Variants in ATL3 observed in about 807,000 individuals in gnomAD.
ATL3 encodes the protein atlastin GTPase 3, also known as atlastin-3.
ATL3 carries 49 observed loss-of-function variants against 69.5 expected under a neutral mutation model. That is an observed-to-expected ratio of 0.71 (90% CI 0.56 to 0.89). The LOEUF (loss-of-function observed/expected upper bound fraction) is 0.89, where lower values mean the gene tolerates loss of function less well. ATL3 is among the 40% of genes least tolerant of loss of function. The pLI is 0.00. For synonymous variants in ATL3, 214 were observed against 224.1 expected (o/e 0.95, Z 0.40); for missense variants, 606 against 645.7 (o/e 0.94, Z 0.67).
chr11:63,632,724 TA>T, intron 11 of ATL3: 1 of 1,247,972 alleles, frequency 8.0e-7, no homozygotes, highest in Non-Finnish European at 1.2e-6. Flanking sequence ...TGATGATTAG[TA>T]AGCATTTATT....
chr11:63,643,605 T>G, intron 7 of ATL3, 110 bp from the exon 8 acceptor site: 12 of 989,312 alleles, frequency 1.2e-5, no homozygotes, highest in Non-Finnish European at 1.7e-5. Flanking sequence ...TGATGGATCA[T>G]AGTGGCCAAA....
upstream of ATL3, chr11:63,671,833 G>C (rs578238756): frequency 2.5e-5 from 23 of 906,012 alleles, no homozygotes; most frequent in Non-Finnish European, 3.1e-5. Context: ...GCTGCGGCCG[G>C]CGCCTAACGT....
intron 3 of ATL3, among the ~76,000 whole-genome samples, chr11:63,653,084 C>A (rs1028701103): frequency 1.3e-5 from 2 of 151,828 alleles, no homozygotes; most frequent in Non-Finnish European, 2.9e-5. Context: ...CCCAGCACTT[C>A]GGGAGGGAGG....
At chr11:63,671,553 C>A, upstream of ATL3, 10 of 1,428,792 alleles carry the variant, frequency 7.0e-6, no homozygotes, top group South Asian at 2.9e-5. Context: ...CAGGACGAGG[C>A]TAGGCGAGGC....
chr11:63,646,644 T>G, intron 5 of ATL3, 81 bp from the exon 6 acceptor site: 3 of 861,406 alleles, frequency 3.5e-6, no homozygotes, highest in Non-Finnish European at 5.5e-6. Context: ...GTATTCATTA[T>G]ATTTATACTG....
chr11:63,637,318 G>C (rs913429600), intron 8 of ATL3, among the ~76,000 whole-genome samples: 3 of 151,290 alleles, frequency 2.0e-5, no homozygotes, highest in African/African-American at 7.3e-5. Flanking sequence ...TCTTCAACAA[G>C]TCAATTTTCA....
At chr11:63,666,681 A>T (rs1216616512) in intron 1 of ATL3, among the ~76,000 whole-genome samples, 1 of 149,662 alleles carries the variant, frequency 6.7e-6, no homozygotes, top group African/African-American at 2.4e-5. Flanking sequence ...AAGTGCTGGG[A>T]TTACAGGCAT....
At chr11:63,637,684 A>G (rs1939565494) in intron 8 of ATL3, 1 of 152,218 alleles carries the variant, frequency 6.6e-6, no homozygotes, top group Non-Finnish European at 1.5e-5. Flanking sequence ...GCTGATTTAC[A>G]TAATCTTCTA....
Position 63,652,563 on chromosome 11 carries a change from G to A in ATL3, c.418C>T (p.Leu140=), listed in dbSNP as rs34261014. The A allele has an allele frequency of 1.9e-3, 3,005 of 1,607,496 alleles. 4 individuals are homozygous for A. The highest frequency in any genetic ancestry group is 2.1e-3 in the Non-Finnish European group (2,486 of 1,176,214). Residue 140 remains leucine (L), a synonymous_variant, in exon 4 of 13, where the codon CTG becomes TTG. Transcript: ENST00000398868. The part of the protein sequence containing the change: ...KPGGKKVAVV[L]MDTQGAFDSQ... ...TCAAATGCCCCCTGGGTATCCATCAGAACAACTGCAACCTAAAAAAAAGGA... is the reference window on the plus strand; with the variant it reads ...TCAAATGCCCCCTGGGTATCCATCAAAACAACTGCAACCTAAAAAAAAGGA...
intron 3 of ATL3, 128 bp from the exon 4 acceptor site, chr11:63,652,703 G>C (rs1940118168): frequency 3.6e-6 from 2 of 558,916 alleles, no homozygotes. Context: ...TTAAGCACCT[G>C]CTTGTAGGTT....
chr11:63,664,579 A>G (rs1257945589), intron 1 of ATL3, among the ~76,000 whole-genome samples: 3 of 151,914 alleles, frequency 2.0e-5, no homozygotes, highest in Non-Finnish European at 4.4e-5. Context: ...TGTAATGAGC[A>G]ATATCAATGT....
chr11:63,661,833 G>A (rs1473833269), intron 1 of ATL3, among the ~76,000 whole-genome samples: 1 of 151,616 alleles, frequency 6.6e-6, no homozygotes, highest in East Asian at 1.9e-4. Flanking sequence ...AGGTTGTGGT[G>A]AGCTGAGATT....
upstream of ATL3, chr11:63,671,415 G>A (rs777991322): frequency 5.9e-6 from 9 of 1,519,464 alleles, no homozygotes; most frequent in East Asian, 2.7e-5. Flanking sequence ...CCGGGCCCTG[G>A]AAGCGGGAAA....
At chr11:63,636,448 TGA>T in intron 8 of ATL3, 114 bp from the exon 9 acceptor site, 8 of 1,435,542 alleles carry the variant, frequency 5.6e-6, no homozygotes, top group Non-Finnish European at 7.6e-6. Flanking sequence ...TTGTTAAAAG[TGA>T]GAGAGAAGCC....
Position 63,646,606 on chromosome 11 carries a change from A to G in ATL3, c.562-43T>C, listed in dbSNP as rs781322683. On this transcript the variant is annotated intron_variant, in intron 5 of 12. Transcript: ENST00000398868. ...TATGGTTTGTAAAGCAAAATTACTTAAAATAGTTCTATGGCCTTTTTAGCA... is the reference window on the plus strand; with the variant it reads ...TATGGTTTGTAAAGCAAAATTACTTGAAATAGTTCTATGGCCTTTTTAGCA... 6 of 1,368,420 alleles carry G rather than the reference A, an allele frequency of 4.4e-6. No homozygotes were observed. The East Asian group carries it at 1.2e-4, about 26-fold the overall frequency. The allele number at this position is 1,368,420 out of a possible 1,614,324, so 84.8% of individuals were successfully genotyped here.
chr11:63,651,014 C>T (rs187929888), intron 5 of ATL3, among the ~76,000 whole-genome samples: 73 of 152,288 alleles, frequency 4.8e-4, no homozygotes, highest in South Asian at 2.1e-4. Context: ...ATAATAATGA[C>T]ACCCTTACTC....
At chr11:63,630,816 A>T in intron 12 of ATL3, among the ~76,000 whole-genome samples, 1 of 151,696 alleles carries the variant, frequency 6.6e-6, no homozygotes, top group Non-Finnish European at 1.5e-5. Context: ...AAAAAAAAAA[A>T]AGCGGGGCGG....
In ATL3 at chr11:63,631,071, A is replaced by G; in HGVS notation, c.1508T>C (p.Ile503Thr). The change falls in exon 12 of 13, where the codon ATT (isoleucine) becomes ACT (threonine). Residue 503 changes from isoleucine to threonine, a missense_variant. Physicochemically the swap from Ile to Thr is moderately conservative, Grantham distance 89 (BLOSUM62 -1). Transcript: ENST00000398868. ...CAACACATATGCGGCACCAAAATCA[A>G]TAGCTCCGCCCAGCTCACGATATTG... Reference protein sequence around the residue: ...SGQYRELGGAIDFGAAYVLEQ... With the variant: ...SGQYRELGGATDFGAAYVLEQ... 1.9e-6 allele frequency: 3 copies of G among 1,613,352 alleles called. No individual in the cohort carries two copies. The highest frequency in any genetic ancestry group is 2.5e-6 in the Non-Finnish European group (3 of 1,179,646).
chr11:63,646,501 T>G lies in ATL3; in HGVS notation c.618+6A>C. ...TATGAATTATATTTAAAATAAATAT[T>G]CTAACCTGGAAAGGCTTTTGGAAAA... On this transcript the variant is annotated splice_donor_region_variant and intron_variant, in intron 6 of 12. Transcript: ENST00000398868. The G allele has an allele frequency of 6.5e-7, 1 of 1,538,800 alleles. No homozygotes were observed. The highest frequency in any genetic ancestry group is 8.9e-7 in the Non-Finnish European group (1 of 1,119,852).
Sources: gnomAD v4.1 joint callset for allele counts (sites outside exome capture counted in the v4.1 genomes callset) on GRCh38, gnomAD v4.1.1 for gene constraint, MANE v1.5 for transcripts, NCBI Gene and HGNC (gene_info 2026-07-23, HGNC 2026-07-21) for gene names.